The following PKP4 variants were observed in gnomAD, a reference collection of about 807,000 sequenced individuals.
The protein encoded by PKP4 is plakophilin-4.
Under a neutral mutation model 145.1 loss-of-function variants are expected in PKP4, and 90 were observed. That is an observed-to-expected ratio of 0.62 (90% CI 0.52 to 0.74). The LOEUF (loss-of-function observed/expected upper bound fraction) is 0.74. PKP4 is among the 30% of genes least tolerant of loss of function. PKP4 has a pLI of 0.00. For synonymous variants in PKP4, 563 were observed against 577.2 expected (o/e 0.98, Z 0.35); for missense variants, 1,340 against 1,482.7 (o/e 0.90, Z 1.58).
chr2:158,505,436 T>C (rs547281154), intron 1 of PKP4, among the ~76,000 whole-genome samples: 1 of 152,146 alleles, frequency 6.6e-6, no homozygotes, highest in African/African-American at 2.4e-5. Flanking sequence ...AATCGGGAGA[T>C]TGAACCCTAG....
At chr2:158,606,592 T>C (rs2050678723) in intron 4 of PKP4, among the ~76,000 whole-genome samples, 1 of 152,230 alleles carries the variant, frequency 6.6e-6, no homozygotes, top group African/African-American at 2.4e-5. Flanking sequence ...ATAAAATTAC[T>C]TATAATCAAG....
At chr2:158,649,608 C>G (rs768155233) in intron 11 of PKP4, among the ~76,000 whole-genome samples, 8 of 152,182 alleles carry the variant, frequency 5.3e-5, no homozygotes, top group African/African-American at 1.9e-4. Context: ...TGAAAAGATT[C>G]AACCCTCTAA....
At chr2:158,514,435 A>G (rs1422388736) in intron 1 of PKP4, among the ~76,000 whole-genome samples, 2 of 152,220 alleles carry the variant, frequency 1.3e-5, no homozygotes, top group African/African-American at 4.8e-5. Context: ...AAGTGTGAAA[A>G]TTTGTCTCCT....
intron 2 of PKP4, among the ~76,000 whole-genome samples, chr2:158,565,774 C>G (rs918451720): frequency 2.0e-5 from 3 of 152,090 alleles, no homozygotes; most frequent in African/African-American, 7.2e-5. Flanking sequence ...TTTAATATTC[C>G]TTATAGGTTA....
chr2:158,597,777 CAT>C lies in PKP4; in HGVS notation c.246-5292_246-5291del, dbSNP rs563603527. On this transcript the variant is annotated intron_variant, in intron 3 of 21. Transcript: ENST00000389759. ...TGAGTTATATTCATATATAAATATA[CAT>C]GTGTGTGTAAAATTTCTTGACACAA... 1.6e-3 allele frequency among the ~76,000 whole-genome samples: 247 copies of C among 152,236 alleles called. 1 individual carries two copies. Among genetic ancestry groups the C allele is most frequent in the Non-Finnish European group, 1.8e-3 (122 of 68,014 alleles).
chr2:158,661,053 A>G (rs1429888858), intron 12 of PKP4: 2 of 223,490 alleles, frequency 8.9e-6, no homozygotes, highest in East Asian at 2.0e-4. Flanking sequence ...GAAGAACCTC[A>G]GGAGAATAGG....
chr2:158,554,570 T>C (rs986867506), intron 2 of PKP4, among the ~76,000 whole-genome samples: 1 of 151,826 alleles, frequency 6.6e-6, no homozygotes, highest in Non-Finnish European at 1.5e-5. Flanking sequence ...GGACTACAGG[T>C]GCCCGCCACC....
intron 3 of PKP4, among the ~76,000 whole-genome samples, chr2:158,589,444 A>G (rs2049069118): frequency 1.3e-5 from 2 of 152,244 alleles, no homozygotes; most frequent in African/African-American, 4.8e-5. Flanking sequence ...CTATCTAGGT[A>G]AAAGTTGTGT....
rs547839824 is a variant in PKP4 at position 158,548,817 on chromosome 2, A to G, written c.132+15501A>G. On this transcript the variant is annotated intron_variant, in intron 2 of 21. Transcript: ENST00000389759. The stretch of plus-strand genomic sequence containing the variant: ...TGCCAGCAAAGGGAACATCCCCATT[A>G]AGAGACCACCTGTCCTTCGAGTAGG... 9 of 241,504 alleles carry G rather than the reference A, an allele frequency of 3.7e-5. 1 individual carries two copies. The highest frequency in any genetic ancestry group is 7.2e-5 in the Non-Finnish European group (9 of 124,200). 15.0% of individuals were successfully genotyped at this position (241,504 alleles called of 1,614,324 possible). A position where few individuals can be genotyped will look rare whatever the true frequency, so the allele number is the denominator to read the frequency against.
chr2:158,470,405 T>A (rs1691369485), intron 1 of PKP4, among the ~76,000 whole-genome samples: 1 of 152,144 alleles, frequency 6.6e-6, no homozygotes, highest in South Asian at 2.1e-4. Context: ...GTTCTCTGTC[T>A]CCCTCCACTC....
intron 2 of PKP4, among the ~76,000 whole-genome samples, chr2:158,552,545 A>G (rs1486562570): frequency 6.6e-6 from 1 of 151,142 alleles, no homozygotes; most frequent in Non-Finnish European, 1.5e-5. Flanking sequence ...GTTGGTAGAA[A>G]TGTGGGTATT....
At chr2:158,469,953 T>A (rs1220564095) in intron 1 of PKP4, among the ~76,000 whole-genome samples, 1 of 152,178 alleles carries the variant, frequency 6.6e-6, no homozygotes, top group East Asian at 1.9e-4. Flanking sequence ...CAATGACCCC[T>A]CTTTAATGAA....
intron 2 of PKP4, among the ~76,000 whole-genome samples, chr2:158,568,899 G>A (rs907803629): frequency 3.3e-5 from 5 of 152,076 alleles, no homozygotes; most frequent in African/African-American, 4.8e-5. Flanking sequence ...CTTGAACCCC[G>A]GAGGCAGAGG....
At chr2:158,533,450 CTGAGTACATTGGGA>C (rs1218160861) in intron 2 of PKP4, 134 bp downstream of exon 2, 1 of 1,067,098 alleles carries the variant, frequency 9.4e-7, no homozygotes, top group African/African-American at 1.6e-5. Flanking sequence ...GTTTACATCC[CTGAGTACATTGGGA>C]TGACTGGCAT....
intron 1 of PKP4, among the ~76,000 whole-genome samples, chr2:158,508,773 C>G (rs1017567531): frequency 1.3e-5 from 2 of 152,176 alleles, no homozygotes; most frequent in Non-Finnish European, 2.9e-5. Flanking sequence ...GTACTGTTGA[C>G]ACAGGCTTTA....
At chr2:158,546,187 GA>G (rs2045020808) in intron 2 of PKP4, among the ~76,000 whole-genome samples, 1 of 152,144 alleles carries the variant, frequency 6.6e-6, no homozygotes, top group Admixed American at 6.5e-5. Context: ...TAAATAAAAT[GA>G]AAAAGACTGA....
intron 1 of PKP4, among the ~76,000 whole-genome samples, chr2:158,491,003 T>C (rs1694858019): frequency 1.3e-5 from 2 of 152,246 alleles, no homozygotes; most frequent in African/African-American, 4.8e-5. Context: ...GTATGTTGCA[T>C]TATGTAAATC....
At chr2:158,461,014 A>G (rs542202919) in intron 1 of PKP4, among the ~76,000 whole-genome samples, 7 of 152,368 alleles carry the variant, frequency 4.6e-5, no homozygotes, top group Admixed American at 6.5e-5. Flanking sequence ...TCTTACATCA[A>G]TGGAAGTGAT....
intron 2 of PKP4, among the ~76,000 whole-genome samples, chr2:158,552,465 G>T (rs2045715596): frequency 6.6e-6 from 1 of 152,182 alleles, no homozygotes; most frequent in Non-Finnish European, 1.5e-5. Flanking sequence ...TGTGGAATTG[G>T]ATAATGGGTA....
Sources: gnomAD v4.1 joint callset for allele counts (sites outside exome capture counted in the v4.1 genomes callset) on GRCh38, gnomAD v4.1.1 for gene constraint, MANE v1.5 for transcripts, NCBI Gene and HGNC (gene_info 2026-07-23, HGNC 2026-07-21) for gene names.